FRRS1: variants seen among roughly 807,000 people sequenced by gnomAD.
FRRS1 encodes the protein ferric reductase 1.
Under a neutral mutation model 70.7 loss-of-function variants are expected in FRRS1, and 51 were observed. The observed-to-expected ratio is 0.72, with a 90% CI of 0.58 to 0.91. FRRS1 has a LOEUF of 0.91. Ranked by LOEUF, FRRS1 falls within the 40% of genes least tolerant of loss-of-function variation. The pLI, the probability that FRRS1 is intolerant of heterozygous loss-of-function variation, is 0.00. For synonymous variants in FRRS1, 225 were observed against 238.7 expected (o/e 0.94, Z 0.53); for missense variants, 672 against 726.0 (o/e 0.93, Z 0.86).
intron 1 of FRRS1, among the ~76,000 whole-genome samples, chr1:99,757,681 C>A (rs1201318846): frequency 6.6e-6 from 1 of 152,100 alleles, no homozygotes; most frequent in Non-Finnish European, 1.5e-5. Flanking sequence ...CAAGTACATT[C>A]TACAATGTTT....
At chr1:99,730,729 T>C (rs1655327739) in intron 7 of FRRS1, among the ~76,000 whole-genome samples, 1 of 151,974 alleles carries the variant, frequency 6.6e-6, no homozygotes, top group Admixed American at 6.6e-5. Flanking sequence ...TAGCTGGGCA[T>C]GGTAGTGGGC....
At chr1:99,745,042 T>C (rs1656183832) in intron 4 of FRRS1, among the ~76,000 whole-genome samples, 1 of 149,792 alleles carries the variant, frequency 6.7e-6, no homozygotes, top group African/African-American at 2.4e-5. Flanking sequence ...GTATCTGCCT[T>C]AACAGGTTTT....
At chr1:99,750,492 G>A (rs1656517571) in intron 1 of FRRS1, among the ~76,000 whole-genome samples, 1 of 152,170 alleles carries the variant, frequency 6.6e-6, no homozygotes, top group Admixed American at 6.5e-5. Flanking sequence ...TGCTCCAATG[G>A]ATAAAGTAGA....
rs11166306 is a variant in FRRS1, at chr1:99,708,662, A to C, written c.*366T>G. On this transcript the variant is annotated 3_prime_UTR_variant, in exon 17 of 17. Transcript: ENST00000646001. Reference sequence around the variant, plus strand: ...TATATATATATATATATATATATATATCGTAATATATCTCTTTATTATCCT... The same window carrying C: ...TATATATATATATATATATATATATCTCGTAATATATCTCTTTATTATCCT... The C allele has an allele frequency of 0.08, 10,360 of 129,532 alleles. 1,143 individuals carry two copies. The highest frequency in any genetic ancestry group is 0.24 in the African/African-American group (6,720 of 27,666). The allele number at this position is 129,532 out of a possible 1,614,324, so 8.0% of individuals were successfully genotyped here.
At chr1:99,764,561 T>C (rs1452371498) in intron 1 of FRRS1, among the ~76,000 whole-genome samples, 2 of 152,214 alleles carry the variant, frequency 1.3e-5, no homozygotes, top group African/African-American at 4.8e-5. Flanking sequence ...CCTTCACCCC[T>C]CTTTCAAGAT....
At chr1:99,748,792 A>G (rs776738830) in intron 2 of FRRS1, 24 bp from the exon 3 acceptor site, 1 of 1,558,776 alleles carries the variant, frequency 6.4e-7, no homozygotes, top group South Asian at 1.1e-5. Context: ...GTAAAAGCCC[A>G]TTATTGTCAT....
At chr1:99,719,173 G>A (rs777159956) in intron 10 of FRRS1, among the ~76,000 whole-genome samples, 7 of 151,978 alleles carry the variant, frequency 4.6e-5, no homozygotes, top group Non-Finnish European at 1.0e-4. Context: ...GCACTTTGGA[G>A]GCCTAGGCGG....
chr1:99,736,998 T>C (rs1655706727), intron 7 of FRRS1, among the ~76,000 whole-genome samples: 1 of 151,384 alleles, frequency 6.6e-6, no homozygotes, highest in Non-Finnish European at 1.5e-5. Flanking sequence ...CCTAAAGAAG[T>C]GGTGTTAAGT....
rs1187712562 is a variant in FRRS1, at chr1:99,740,800, G to C, written c.569C>G (p.Thr190Ser). 1 of 1,608,250 alleles carries C rather than the reference G, an allele frequency of 6.2e-7. No individual in the cohort carries two copies. The highest frequency in any genetic ancestry group is 1.1e-5 in the South Asian group (1 of 90,950). ...AATAAAATTGTTACTTACTGGTTTG[G>C]TTAAGTGGGAAACGGGAGGTAACGT... The part of the protein sequence containing the change: ...LPTLPPVSHL[T>S]KPFSASDCGN... Residue 190 changes from threonine to serine, a missense_variant, in exon 6 of 17, where the codon ACC (threonine) becomes AGC (serine). By Grantham distance (58) the Thr-to-Ser change is moderately conservative. Coordinates refer to ENST00000646001, the MANE Select transcript of FRRS1 (RefSeq NM_001361041.2).
chr1:99,706,058 CAGA>C lies in FRRS1; in HGVS notation c.*2967_*2969del, dbSNP rs977686050. On this transcript the variant is annotated 3_prime_UTR_variant, in exon 17 of 17. Coordinates refer to ENST00000646001, the MANE Select transcript of FRRS1 (RefSeq NM_001361041.2). ...TTTGTGGATACCAACCACCCATAAG[CAGA>C]AGAAGAATAATTTGGTTCTAATCAA... Among the ~76,000 whole-genome samples the C allele has an allele frequency of 1.3e-5, 2 of 151,918 alleles. No individual in the cohort carries two copies. Among genetic ancestry groups the C allele is most frequent in the African/African-American group, 2.4e-5 (1 of 41,336 alleles).
intron 9 of FRRS1, 115 bp downstream of exon 9, chr1:99,728,378 A>T: frequency 1.1e-6 from 1 of 888,768 alleles, no homozygotes; most frequent in African/African-American, 1.7e-5. Context: ...TGACATTTAT[A>T]GGAAAGCGTG....
intron 1 of FRRS1, among the ~76,000 whole-genome samples, chr1:99,749,328 A>G (rs1245603690): frequency 2.0e-5 from 3 of 152,162 alleles, no homozygotes; most frequent in Non-Finnish European, 4.4e-5. Flanking sequence ...GCCTGGCCCA[A>G]TGTTGTTTAA....
chr1:99,760,160 A>AT (rs1225865260), intron 1 of FRRS1, among the ~76,000 whole-genome samples: 21 of 152,352 alleles, frequency 1.4e-4, no homozygotes, highest in African/African-American at 5.1e-4. Flanking sequence ...AGATGCCTGA[A>AT]AACAGCAAGT....
chr1:99,755,413 G>A (rs1385084761), intron 1 of FRRS1, among the ~76,000 whole-genome samples: 1 of 152,010 alleles, frequency 6.6e-6, no homozygotes, highest in East Asian at 1.9e-4. Context: ...GGGTCGGAGG[G>A]GGAGAGAGAG....
At chr1:99,739,460 A>G (rs1655844760) in intron 6 of FRRS1, among the ~76,000 whole-genome samples, 1 of 152,222 alleles carries the variant, frequency 6.6e-6, no homozygotes, top group South Asian at 2.1e-4. Flanking sequence ...GCTAGTACAA[A>G]TAACAGATCT....
rs188650804 is a variant in FRRS1, at chr1:99,715,613, C to T, written c.1296G>A (p.Pro432=). ...TACTCCAGCCTCCCCTGTATATAAA[C>T]GGCATAACAAAAGCAATGCAGGTGA... ...TVLTCIAFVM[P]FIYRGGWSRH... Residue 432 remains proline (P), a synonymous_variant, in exon 12 of 17, where the codon CCG becomes CCA. Transcript: ENST00000646001. The T allele has an allele frequency of 1.7e-5, 28 of 1,612,502 alleles. 1 individual carries two copies. The highest frequency in any genetic ancestry group is 1.7e-4 in the Middle Eastern group (1 of 6,056).
intron 9 of FRRS1, among the ~76,000 whole-genome samples, chr1:99,727,756 C>T (rs1352355676): frequency 2.0e-5 from 3 of 152,190 alleles, no homozygotes; most frequent in African/African-American, 7.2e-5. Context: ...TCATTAAATG[C>T]TACATTGACA....
chr1:99,740,859 A>C lies in FRRS1; in HGVS notation c.510T>G (p.Phe170Leu). Reference sequence around the variant, plus strand: ...GTACTACTGTAGCTTTAGGTGTTGTAAAAGGAAATGCATTTGGTTGTGAAA... The same window carrying C: ...GTACTACTGTAGCTTTAGGTGTTGTCAAAGGAAATGCATTTGGTTGTGAAA... ...PIISQPNAFP[F>L]TTPKATVVPL... The change falls in exon 6 of 17, where the codon TTT becomes TTG. Residue 170 changes from phenylalanine (F) to leucine (L), a missense_variant. By Grantham distance (22) the Phe-to-Leu change is conservative. Coordinates refer to ENST00000646001, the MANE Select transcript of FRRS1 (RefSeq NM_001361041.2). 6.2e-7 allele frequency: 1 copy of C among 1,612,560 alleles called. No individual in the cohort carries two copies. Among genetic ancestry groups the C allele is most frequent in the African/African-American group, 1.3e-5 (1 of 75,006 alleles).
Position 99,704,161 on chromosome 1 carries a change from G to C in FRRS1, c.*4867C>G, listed in dbSNP as rs1653966562. Among the ~76,000 whole-genome samples, 1 of 152,182 alleles carries C rather than the reference G, an allele frequency of 6.6e-6. No homozygotes were observed. Among genetic ancestry groups the C allele is most frequent in the African/African-American group, 2.4e-5 (1 of 41,452 alleles). On this transcript the variant is annotated 3_prime_UTR_variant, in exon 17 of 17. Transcript: ENST00000646001. ...ATCACTTCATTGGATCCTCACAGCT[G>C]CTCTGTGAGATGGGCTTTACAGATG...
Sources: gnomAD v4.1 joint callset for allele counts (sites outside exome capture counted in the v4.1 genomes callset) on GRCh38, gnomAD v4.1.1 for gene constraint, MANE v1.5 for transcripts, NCBI Gene and HGNC (gene_info 2026-07-23, HGNC 2026-07-21) for gene names.